GALNT2: variants seen among roughly 807,000 people sequenced by gnomAD.
The protein encoded by GALNT2 is UDP-GalNAc:polypeptide N-acetylgalactosaminyltransferase 2.
In GALNT2, 31 loss-of-function variants were observed where a neutral mutation model predicts 81.4. The observed-to-expected ratio is 0.38, with a 90% confidence interval of 0.29 to 0.51. The LOEUF (loss-of-function observed/expected upper bound fraction) is 0.51, where lower values mean the gene tolerates loss of function less well. Among genes scored for constraint, GALNT2 ranks in the 20% least tolerant of loss-of-function variants. GALNT2 has a pLI of 0.87. For synonymous variants in GALNT2, 303 were observed against 287.4 expected, an observed-to-expected ratio of 1.05 and a Z score of -0.55; for missense variants, 629 against 765.7, an observed-to-expected ratio of 0.82 and a Z score of 2.11.
intron 15 of GALNT2, among the ~76,000 whole-genome samples, chr1:230,278,108 C>A (rs1027825706): frequency 7.5e-6 from 1 of 134,148 alleles, no homozygotes; most frequent in Non-Finnish European, 1.6e-5. Context: ...TTCTGTTTTT[C>A]TTTCTTTTTT....
chr1:230,097,159 A>G (rs1660276618), intron 1 of GALNT2, among the ~76,000 whole-genome samples: 1 of 152,214 alleles, frequency 6.6e-6, no homozygotes. Context: ...AGATTGTTAA[A>G]ACACTGAGCG....
rs745648952 is a variant in GALNT2, at chr1:230,236,335, C to G, written c.474-18C>G. Reference sequence around the variant, plus strand: ...CCCCTAAAAGACCTATAAACTTTATCTTCTTGTCTTTTCTTAGCGTGCTTA... The same window carrying G: ...CCCCTAAAAGACCTATAAACTTTATGTTCTTGTCTTTTCTTAGCGTGCTTA... On this transcript the variant is annotated intron_variant, in intron 4 of 15. Transcript: ENST00000366672. 1 of 1,611,934 alleles carries G rather than the reference C, an allele frequency of 6.2e-7. No individual in the cohort carries two copies. The highest frequency in any genetic ancestry group is 1.1e-5 in the South Asian group (1 of 90,936).
At chr1:230,105,227 G>A (rs938724060) in intron 1 of GALNT2, among the ~76,000 whole-genome samples, 1 of 152,178 alleles carries the variant, frequency 6.6e-6, no homozygotes, top group Non-Finnish European at 1.5e-5. Context: ...GGAGGGACAG[G>A]GAGTCTGAAA....
intron 1 of GALNT2, among the ~76,000 whole-genome samples, chr1:230,102,938 T>G (rs1322243975): frequency 6.6e-6 from 1 of 152,116 alleles, no homozygotes; most frequent in African/African-American, 2.4e-5. Flanking sequence ...GACGAGAGTG[T>G]TGTTTGATGA....
At chr1:230,249,323 C>CA in intron 9 of GALNT2, 52 bp downstream of exon 9, 1 of 1,550,690 alleles carries the variant, frequency 6.4e-7, no homozygotes, top group Non-Finnish European at 8.9e-7. Flanking sequence ...CCCCAGGTTC[C>CA]AGCTTCTTTG....
rs773572031 is a variant in GALNT2 at position 230,070,950 on chromosome 1, G to T, written c.126+3544G>T. Among the ~76,000 whole-genome samples, 22 of 152,258 alleles carry T rather than the reference G, an allele frequency of 1.4e-4. No individual in the cohort carries two copies. Among genetic ancestry groups the T allele is most frequent in the Non-Finnish European group, 2.6e-4 (18 of 68,020 alleles). ...CTAGCTGTTTACCTCTTTGTGCTTA[G>T]TGACCTTCACTGATGCATTGAACCT... On this transcript the variant is annotated intron_variant, in intron 1 of 15. Transcript: ENST00000366672. This position sits in a 1 kb window ranked among gnomAD's most constrained non-coding sequence, Gnocchi z 4.7.
At chr1:230,135,816 GC>G (rs940697854) in intron 1 of GALNT2, among the ~76,000 whole-genome samples, 9 of 152,006 alleles carry the variant, frequency 5.9e-5, no homozygotes, top group African/African-American at 2.2e-4. Context: ...CTCCTAAGTA[GC>G]TGGGACTACA....
chr1:230,061,222 G>A (rs1429382491), intron 1 of GALNT2, among the ~76,000 whole-genome samples: 4 of 150,670 alleles, frequency 2.7e-5, no homozygotes, highest in Non-Finnish European at 4.4e-5. Flanking sequence ...GTGTGTGTGT[G>A]TGTCTGTATG....
At chr1:230,248,410 G>C (rs1314540913) in intron 8 of GALNT2, among the ~76,000 whole-genome samples, 2 of 152,164 alleles carry the variant, frequency 1.3e-5, no homozygotes, top group Non-Finnish European at 2.9e-5. Flanking sequence ...GTGGCCTCCT[G>C]ATGCACCAGG....
intron 1 of GALNT2, among the ~76,000 whole-genome samples, chr1:230,160,213 C>CA (rs749039869): frequency 3.3e-5 from 5 of 152,216 alleles, no homozygotes; most frequent in Non-Finnish European, 7.3e-5. Context: ...GTGCTAATAA[C>CA]AATCCCTGAT....
rs981948017 is a variant in GALNT2 at position 230,207,884 on chromosome 1, T to A, written c.374+4594T>A. The stretch of plus-strand genomic sequence containing the variant: ...GTGTGAGCCACGGCATTCAGCCCCA[T>A]CCTAGTTTTGAAAGCACCATTTCTT... On this transcript the variant is annotated intron_variant, in intron 3 of 15. Coordinates refer to ENST00000366672, the MANE Select transcript of GALNT2 (RefSeq NM_004481.5). Among the ~76,000 whole-genome samples, 59 of 152,154 alleles carry A rather than the reference T, an allele frequency of 3.9e-4. 1 individual carries two copies. Among genetic ancestry groups the A allele is most frequent in the Admixed American group, 7.9e-4 (12 of 15,258 alleles).
intron 1 of GALNT2, among the ~76,000 whole-genome samples, chr1:230,169,665 C>T (rs553672002): frequency 1.9e-4 from 29 of 151,364 alleles, no homozygotes; most frequent in Non-Finnish European, 3.2e-4. Flanking sequence ...TTGTAGTTCA[C>T]GACTTCAGCA....
At chr1:230,067,452 C>G (rs1219468204) in intron 1 of GALNT2, 46 bp downstream of exon 1, 6 of 779,806 alleles carry the variant, frequency 7.7e-6, no homozygotes, top group East Asian at 4.2e-5. Flanking sequence ...GCCCACCCCC[C>G]ACCCTGCGCC....
intron 1 of GALNT2, among the ~76,000 whole-genome samples, chr1:230,118,763 C>T (rs937013056): frequency 3.3e-5 from 5 of 152,066 alleles, no homozygotes; most frequent in Non-Finnish European, 7.4e-5. Context: ...CTGTAAGATG[C>T]GGTTCAGATG....
intron 1 of GALNT2, among the ~76,000 whole-genome samples, chr1:230,082,674 C>CTAG (rs991971698): frequency 9.2e-5 from 14 of 152,240 alleles, no homozygotes; most frequent in African/African-American, 3.1e-4. Flanking sequence ...GCCTAGAAAC[C>CTAG]TAGGCATTGC....
intron 6 of GALNT2, among the ~76,000 whole-genome samples, chr1:230,240,477 A>T (rs1022322908): frequency 4.6e-5 from 7 of 152,184 alleles, no homozygotes; most frequent in African/African-American, 1.7e-4. Context: ...CTGTAGTCCC[A>T]GCTACTCGGG....
At chr1:230,120,736 C>G (rs946379859) in intron 1 of GALNT2, among the ~76,000 whole-genome samples, 6 of 152,190 alleles carry the variant, frequency 3.9e-5, no homozygotes, top group African/African-American at 1.4e-4. Flanking sequence ...AAACTTCCCT[C>G]ATCCTCCTCC....
At chr1:230,233,211 A>G (rs998929031) in intron 3 of GALNT2, among the ~76,000 whole-genome samples, 1 of 152,250 alleles carries the variant, frequency 6.6e-6, no homozygotes, top group African/African-American at 2.4e-5. Flanking sequence ...CCAAATATAT[A>G]TATTTTTAAT....
intron 1 of GALNT2, among the ~76,000 whole-genome samples, chr1:230,074,656 G>T (rs1019112892): frequency 5.3e-5 from 8 of 152,224 alleles, no homozygotes; most frequent in Non-Finnish European, 1.0e-4. Context: ...CTGCCTTTCT[G>T]TGTGGTCTGG....
Sources: allele counts gnomAD v4.1 joint callset (sites outside exome capture counted in the v4.1 genomes callset), GRCh38; gene constraint gnomAD v4.1.1; non-coding constraint Gnocchi (gnomAD v3.1); transcripts MANE v1.5; gene names NCBI Gene and HGNC (gene_info 2026-07-23, HGNC 2026-07-21).